Variants in CDK14 observed in about 807,000 individuals in gnomAD.
The protein encoded by CDK14 is cyclin-dependent kinase 14.
Under a neutral mutation model 60.7 loss-of-function variants are expected in CDK14, and 34 were observed. The observed-to-expected ratio is 0.56, with a 90% confidence interval of 0.43 to 0.75. The LOEUF is 0.75. Among genes scored for constraint, CDK14 ranks in the 30% least tolerant of loss-of-function variants. The pLI is 0.00. For missense variants in CDK14, 482 were observed against 564.1 expected (o/e 0.85, Z 1.47); for synonymous variants, 197 against 203.7 (o/e 0.97, Z 0.28).
chr7:90,725,150 T>G (rs1802588716), intron 2 of CDK14, among the ~76,000 whole-genome samples: 1 of 152,220 alleles, frequency 6.6e-6, no homozygotes, highest in African/African-American at 2.4e-5. Context: ...ATTTTAATTA[T>G]ACATGCTTTT....
chr7:90,758,294 T>G (rs558891550), intron 4 of CDK14, among the ~76,000 whole-genome samples: 15 of 151,252 alleles, frequency 9.9e-5, no homozygotes, highest in African/African-American at 3.6e-4. Flanking sequence ...CTCTCTCTGT[T>G]TTTATGTTTA....
chr7:90,789,277 C>A (rs914379040), intron 4 of CDK14, among the ~76,000 whole-genome samples: 1 of 151,958 alleles, frequency 6.6e-6, no homozygotes, highest in Non-Finnish European at 1.5e-5. Context: ...ATTTATGTCA[C>A]CAAAATATGT....
At chr7:90,955,928 T>C in intron 9 of CDK14, 111 bp downstream of exon 9, 1 of 1,229,860 alleles carries the variant, frequency 8.1e-7, no homozygotes, top group Non-Finnish European at 1.1e-6. Context: ...CAGGAGTGTT[T>C]GCCTGCATGT....
intron 5 of CDK14, among the ~76,000 whole-genome samples, chr7:90,797,445 A>G (rs1788478680): frequency 6.6e-6 from 1 of 151,988 alleles, no homozygotes; most frequent in Admixed American, 6.6e-5. Context: ...CTATCTCCAA[A>G]TACAGTCCTA....
intron 5 of CDK14, among the ~76,000 whole-genome samples, chr7:90,823,784 G>T (rs1041196764): frequency 6.6e-6 from 1 of 152,170 alleles, no homozygotes; most frequent in Non-Finnish European, 1.5e-5. Flanking sequence ...TGAAGCTGCA[G>T]ATTCAGGCTG....
chr7:90,662,151 G>A (rs766966717), intron 2 of CDK14, among the ~76,000 whole-genome samples: 14 of 152,208 alleles, frequency 9.2e-5, no homozygotes, highest in Non-Finnish European at 1.8e-4. Context: ...TGGAACTTAG[G>A]AGAATTGGTA....
At chr7:91,051,041 A>G (rs533747832) in intron 11 of CDK14, among the ~76,000 whole-genome samples, 2 of 152,330 alleles carry the variant, frequency 1.3e-5, no homozygotes, top group South Asian at 4.1e-4. Flanking sequence ...CAATTAGACT[A>G]TTTTAAAAAG....
At chr7:90,754,951 A>G (rs188627868) in intron 4 of CDK14, among the ~76,000 whole-genome samples, 7 of 152,280 alleles carry the variant, frequency 4.6e-5, no homozygotes, top group African/African-American at 1.7e-4. Flanking sequence ...GGCTATTATT[A>G]AAAGTCAAAA....
In CDK14 at chr7:91,106,788, A is replaced by G. The variant is rs1443582371; in HGVS notation, c.1155-5754A>G. ...ATTTATTTTTATATCTTTGATGGTA[A>G]AAGATACTAAGCCAACCTACACCAA... On this transcript the variant is annotated intron_variant, in intron 12 of 14. Transcript: ENST00000380050. Among the ~76,000 whole-genome samples the G allele has an allele frequency of 2.0e-5, 3 of 152,216 alleles. No homozygotes were observed. The East Asian group carries it at 5.8e-4, about 29-fold the overall frequency.
At chr7:90,778,319 G>A (rs867898579) in intron 4 of CDK14, among the ~76,000 whole-genome samples, 11 of 152,024 alleles carry the variant, frequency 7.2e-5, no homozygotes, top group African/African-American at 9.7e-5. Flanking sequence ...TATAATTTCC[G>A]TATCCCAATT....
At chr7:91,044,267 A>G (rs1797173162) in intron 10 of CDK14, among the ~76,000 whole-genome samples, 1 of 152,206 alleles carries the variant, frequency 6.6e-6, no homozygotes, top group Non-Finnish European at 1.5e-5. Flanking sequence ...TCATAGGTGG[A>G]TTCAAGGATT....
chr7:90,775,737 T>A (rs535045331), intron 4 of CDK14, among the ~76,000 whole-genome samples: 1 of 133,992 alleles, frequency 7.5e-6, no homozygotes, highest in South Asian at 2.7e-4. Flanking sequence ...TCTCCTCCTC[T>A]TCTCCTTCTC....
intron 2 of CDK14, among the ~76,000 whole-genome samples, chr7:90,611,799 T>A (rs918975218): frequency 1.3e-5 from 2 of 152,088 alleles, no homozygotes; most frequent in Admixed American, 1.3e-4. Flanking sequence ...CTTTCGTACC[T>A]TTTGACTCTT....
intron 2 of CDK14, among the ~76,000 whole-genome samples, chr7:90,725,674 A>T (rs1159087462): frequency 6.6e-6 from 1 of 152,204 alleles, no homozygotes; most frequent in Non-Finnish European, 1.5e-5. Flanking sequence ...GAGAACAATT[A>T]AATTAGTTAG....
intron 12 of CDK14, among the ~76,000 whole-genome samples, chr7:91,092,398 G>A (rs1386462926): frequency 6.6e-6 from 1 of 152,148 alleles, no homozygotes; most frequent in Non-Finnish European, 1.5e-5. Flanking sequence ...CAGCCTCTTG[G>A]AAAAACCTAG....
chr7:90,699,984 G>A (rs1584801882), intron 2 of CDK14, among the ~76,000 whole-genome samples: 1 of 152,120 alleles, frequency 6.6e-6, no homozygotes, highest in Non-Finnish European at 1.5e-5. Context: ...TAAATATTGG[G>A]GAGAGGAAGA....
intron 1 of CDK14, among the ~76,000 whole-genome samples, chr7:90,602,739 G>A (rs1799341716): frequency 6.6e-6 from 1 of 152,134 alleles, no homozygotes; most frequent in Non-Finnish European, 1.5e-5. Context: ...CACAACAAAG[G>A]ACTATCTTTT....
intron 2 of CDK14, among the ~76,000 whole-genome samples, chr7:90,629,899 C>T (rs558140279): frequency 5.3e-5 from 8 of 152,026 alleles, no homozygotes; most frequent in South Asian, 4.2e-4. Context: ...TGGTGGCGTG[C>T]GCCTGTAATC....
rs77279389 is a variant in CDK14 at position 91,188,823 on chromosome 7, T to C, written c.*29-18342T>C. ...TACCTTGTGTAATTGTTGATGAGTT[T>C]AGAAATAAGAAACTCAAACATAGTT... On this transcript the variant is annotated intron_variant, in intron 14 of 14. Transcript: ENST00000380050. Among the ~76,000 whole-genome samples, 227 of 152,366 alleles carry C rather than the reference T, an allele frequency of 1.5e-3. 1 individual carries two copies. Among genetic ancestry groups the C allele is most frequent in the African/African-American group, 5.3e-3 (219 of 41,594 alleles).
Sources: gnomAD v4.1 joint callset for allele counts (sites outside exome capture counted in the v4.1 genomes callset) on GRCh38, gnomAD v4.1.1 for gene constraint, MANE v1.5 for transcripts, NCBI Gene and HGNC (gene_info 2026-07-23, HGNC 2026-07-21) for gene names.